The following PHF20 variants were observed in gnomAD, a reference collection of about 807,000 sequenced individuals.
PHF20 encodes the protein PHD finger protein 20, also known as glioma-expressed antigen 2.
Under a neutral mutation model 113.5 loss-of-function variants are expected in PHF20, and 23 were observed. The observed-to-expected ratio is 0.20, with a 90% CI of 0.15 to 0.29. The LOEUF is 0.29. Ranked by LOEUF, PHF20 falls within the 10% of genes least tolerant of loss-of-function variation. The probability of loss-of-function intolerance (pLI) is 1.00; values close to 1 mark genes in which losing one functional copy is unlikely to be tolerated. For missense variants in PHF20, 943 were observed against 1,219.6 expected (o/e 0.77, Z 3.38); for synonymous variants, 434 against 457.3 (o/e 0.95, Z 0.65).
chr20:35,848,051 C>G (rs1339371923), intron 4 of PHF20, among the ~76,000 whole-genome samples: 1 of 152,038 alleles, frequency 6.6e-6, no homozygotes, highest in African/African-American at 2.4e-5. Context: ...GAGTCTGGGT[C>G]CCAGTGATAC....
chr20:35,895,652 T>C (rs568688103), intron 9 of PHF20, among the ~76,000 whole-genome samples: 1 of 152,132 alleles, frequency 6.6e-6, no homozygotes, highest in South Asian at 2.1e-4. Context: ...GTGTGTATTC[T>C]GTTTCACATC....
At chr20:35,841,883 T>C (rs1338308516) in intron 2 of PHF20, among the ~76,000 whole-genome samples, 1 of 152,232 alleles carries the variant, frequency 6.6e-6, no homozygotes, top group Non-Finnish European at 1.5e-5. Flanking sequence ...CATTCTGATT[T>C]ATTGGCACAT....
intron 2 of PHF20, among the ~76,000 whole-genome samples, chr20:35,808,760 G>C (rs190894815): frequency 1.6e-3 from 243 of 151,514 alleles, no homozygotes; most frequent in Non-Finnish European, 2.9e-3. Flanking sequence ...TTTTAGTAGA[G>C]ACGGGGCTTC....
At chr20:35,859,659 G>T (rs889523452) in intron 5 of PHF20, among the ~76,000 whole-genome samples, 6 of 151,442 alleles carry the variant, frequency 4.0e-5, no homozygotes, top group South Asian at 2.1e-4. Flanking sequence ...TGATTCTCCT[G>T]CCTCAGCCTC....
intron 2 of PHF20, among the ~76,000 whole-genome samples, chr20:35,821,068 A>G (rs2146901501): frequency 6.6e-6 from 1 of 152,164 alleles, no homozygotes; most frequent in East Asian, 1.9e-4. Flanking sequence ...CGGCCATAAT[A>G]AGGAGTTTGG....
chr20:35,908,588 C>T (rs1174293275), intron 10 of PHF20, among the ~76,000 whole-genome samples: 1 of 152,140 alleles, frequency 6.6e-6, no homozygotes, highest in African/African-American at 2.4e-5. Context: ...GATCAGGGAG[C>T]AGTCTGTGTG....
chr20:35,893,702 C>T (rs1398752320), intron 9 of PHF20, among the ~76,000 whole-genome samples: 1 of 152,112 alleles, frequency 6.6e-6, no homozygotes, highest in Non-Finnish European at 1.5e-5. Flanking sequence ...TCAACCTCCA[C>T]CTAGCAGGTT....
intron 1 of PHF20, among the ~76,000 whole-genome samples, chr20:35,789,428 C>CA (rs781511725): frequency 0.066 from 5,967 of 90,224 alleles, 124 homozygotes; most frequent in Middle Eastern, 0.11. Context: ...AAGACTCCAT[C>CA]AAAAAAAAAA....
At chr20:35,913,758 A>G (rs1347648753) in intron 11 of PHF20, among the ~76,000 whole-genome samples, 1 of 152,186 alleles carries the variant, frequency 6.6e-6, no homozygotes, top group African/African-American at 2.4e-5. Flanking sequence ...AGAAAAATCT[A>G]TATATTCTGA....
At chr20:35,868,162 G>A (rs572331441) in intron 6 of PHF20, among the ~76,000 whole-genome samples, 5 of 152,140 alleles carry the variant, frequency 3.3e-5, no homozygotes, top group South Asian at 4.2e-4. Flanking sequence ...GTGTGGTGGC[G>A]CATGCCTGTA....
rs6060608 is a variant in PHF20, at chr20:35,798,758, T to G, written c.-32-2733T>G. 2.0e-3 allele frequency among the ~76,000 whole-genome samples: 302 copies of G among 152,054 alleles called. 3 individuals carry two copies. The highest frequency in any genetic ancestry group is 6.0e-3 in the African/African-American group (250 of 41,490). On this transcript the variant is annotated intron_variant, in intron 1 of 17. Coordinates refer to ENST00000374012, the MANE Select transcript of PHF20 (RefSeq NM_016436.5). ...CATGAGCCACCATGCCTGGCCTTTTTTTTTTGTTTTTGTTTTTTAAAGAGA... is the reference window on the plus strand; with the variant it reads ...CATGAGCCACCATGCCTGGCCTTTTGTTTTTGTTTTTGTTTTTTAAAGAGA...
intron 4 of PHF20, 53 bp from the exon 5 acceptor site, chr20:35,858,249 A>G (rs769458396): frequency 1.1e-5 from 10 of 938,486 alleles, no homozygotes; most frequent in Non-Finnish European, 1.7e-5. Flanking sequence ...TTGAAAAGTT[A>G]CCACTTTTCA....
intron 13 of PHF20, among the ~76,000 whole-genome samples, chr20:35,921,509 C>G (rs1488703222): frequency 6.6e-6 from 1 of 151,708 alleles, no homozygotes; most frequent in Admixed American, 6.6e-5. Flanking sequence ...ATAGCAAGAT[C>G]CTACCTCTAC....
intron 9 of PHF20, among the ~76,000 whole-genome samples, chr20:35,893,929 A>G (rs1403560459): frequency 6.6e-6 from 1 of 152,226 alleles, no homozygotes; most frequent in Admixed American, 6.5e-5. Flanking sequence ...ATGTACTGTT[A>G]TTTATGTTTT....
chr20:35,858,595 G>C (rs2042880335), intron 5 of PHF20, among the ~76,000 whole-genome samples: 1 of 152,166 alleles, frequency 6.6e-6, no homozygotes, highest in Non-Finnish European at 1.5e-5. Context: ...TTTAGAAACA[G>C]AGTCCCGCTC....
chr20:35,785,263 G>A (rs1455721247), intron 1 of PHF20, among the ~76,000 whole-genome samples: 1 of 152,038 alleles, frequency 6.6e-6, no homozygotes, highest in Non-Finnish European at 1.5e-5. Flanking sequence ...ATATTTCCTG[G>A]TATTAATAAT....
At chr20:35,807,155 G>C (rs749216972) in intron 2 of PHF20, among the ~76,000 whole-genome samples, 1 of 151,848 alleles carries the variant, frequency 6.6e-6, no homozygotes, top group Non-Finnish European at 1.5e-5. Flanking sequence ...AAGTGTTTTT[G>C]GAGTTTTGAA....
intron 1 of PHF20, among the ~76,000 whole-genome samples, chr20:35,781,137 A>C (rs907132045): frequency 2.0e-5 from 3 of 150,758 alleles, no homozygotes; most frequent in African/African-American, 7.3e-5. Flanking sequence ...GGCGTGAGCA[A>C]GATTTTATTC....
rs372370236 is a variant in PHF20 at position 35,931,577 on chromosome 20, TCA to T, written c.2300+134_2300+135del. The T allele has an allele frequency of 4.6e-5, 28 of 610,380 alleles. No individual in the cohort carries two copies. In the South Asian group the frequency reaches 7.9e-4, roughly 17 times the overall value. The allele number at this position is 610,380 out of a possible 1,614,324, so 37.8% of individuals were successfully genotyped here. A position where few individuals can be genotyped will look rare whatever the true frequency, so the allele number is the denominator to read the frequency against. On this transcript the variant is annotated intron_variant, in intron 15 of 17. Coordinates refer to ENST00000374012, the MANE Select transcript of PHF20 (RefSeq NM_016436.5). ...AGTTTGAGACCTTTACTAAAAATTA[TCA>T]GTTTCAGGATAAACATTCTTTAAAA...
Sources: allele counts gnomAD v4.1 joint callset (sites outside exome capture counted in the v4.1 genomes callset), GRCh38; gene constraint gnomAD v4.1.1; transcripts MANE v1.5; gene names NCBI Gene and HGNC (gene_info 2026-07-23, HGNC 2026-07-21).